DAB1: variants seen among roughly 807,000 people sequenced by gnomAD.
The protein encoded by DAB1 is disabled homolog 1.
DAB1 carries 15 observed loss-of-function variants against 64.6 expected under a neutral mutation model. The ratio of observed to expected loss-of-function variants is 0.23; its 90% confidence interval spans 0.16 to 0.36. The LOEUF (loss-of-function observed/expected upper bound fraction) is 0.36, where lower values mean the gene tolerates loss of function less well. DAB1 is among the 10% of genes least tolerant of loss of function. The pLI, the probability that DAB1 is intolerant of heterozygous loss-of-function variation, is 1.00. For missense variants in DAB1, 596 were observed against 706.7 expected (o/e 0.84, Z 1.78); for synonymous variants, 235 against 251.9 (o/e 0.93, Z 0.64).
At chr1:57,949,653 T>C (rs865836507) in intron 5 of DAB1, among the ~76,000 whole-genome samples, 4 of 152,190 alleles carry the variant, frequency 2.6e-5, no homozygotes, top group South Asian at 2.1e-4. Context: ...AATCCTACTG[T>C]ATGTGGTCTT....
intron 4 of DAB1, among the ~76,000 whole-genome samples, chr1:57,090,712 T>C (rs1465719473): frequency 1.3e-5 from 2 of 152,152 alleles, no homozygotes; most frequent in Non-Finnish European, 2.9e-5. Context: ...ATATATTGCT[T>C]ATTATACATT....
intron 4 of DAB1, among the ~76,000 whole-genome samples, chr1:57,120,713 T>C (rs978821002): frequency 2.0e-5 from 3 of 152,206 alleles, no homozygotes; most frequent in African/African-American, 7.2e-5. Context: ...TCATATAATA[T>C]TTGTCCCTTT....
intron 5 of DAB1, among the ~76,000 whole-genome samples, chr1:58,104,383 G>T (rs1651510867): frequency 6.6e-6 from 1 of 152,198 alleles, no homozygotes; most frequent in African/African-American, 2.4e-5. Context: ...CTGTTCTGTG[G>T]ATTTTATTAG....
At chr1:57,532,861 T>C (rs1412296683) in intron 7 of DAB1, among the ~76,000 whole-genome samples, 2 of 152,232 alleles carry the variant, frequency 1.3e-5, no homozygotes, top group Non-Finnish European at 2.9e-5. Context: ...ATTTATTAAA[T>C]GCTTACTATG....
chr1:57,322,331 C>A (rs577046893), intron 1 of DAB1, among the ~76,000 whole-genome samples: 7 of 152,268 alleles, frequency 4.6e-5, no homozygotes, highest in Middle Eastern at 3.4e-3. Context: ...ATTTTCTTAG[C>A]TGCCCAATAA....
chr1:57,894,874 T>C (rs1426883352), intron 5 of DAB1, among the ~76,000 whole-genome samples: 1 of 152,132 alleles, frequency 6.6e-6, no homozygotes, highest in Admixed American at 6.6e-5. Context: ...ATTAAAACTT[T>C]ACAGCCCATT....
chr1:58,057,485 A>G (rs1269900120), intron 5 of DAB1, among the ~76,000 whole-genome samples: 1 of 152,212 alleles, frequency 6.6e-6, no homozygotes, highest in African/African-American at 2.4e-5. Flanking sequence ...ACCCTAATCC[A>G]ATAACTGTTG....
intron 1 of DAB1, among the ~76,000 whole-genome samples, chr1:57,828,618 C>G (rs187616373): frequency 1.4e-4 from 21 of 152,254 alleles, no homozygotes; most frequent in Non-Finnish European, 2.4e-4. Context: ...TAGATACTGA[C>G]TTGGCTAATG....
chr1:57,583,528 G>A (rs1167696073), intron 7 of DAB1, among the ~76,000 whole-genome samples: 4 of 151,794 alleles, frequency 2.6e-5, no homozygotes, highest in Admixed American at 6.6e-5. Flanking sequence ...CTTGTGATCC[G>A]CCTGCCTCAG....
chr1:57,706,804 G>A (rs1420615943), intron 6 of DAB1, among the ~76,000 whole-genome samples: 2 of 152,030 alleles, frequency 1.3e-5, no homozygotes, highest in African/African-American at 4.8e-5. Context: ...CGGGCGCGGT[G>A]GCTCACACCT....
chr1:57,603,757 G>A (rs1277693932), intron 7 of DAB1, among the ~76,000 whole-genome samples: 1 of 152,162 alleles, frequency 6.6e-6, no homozygotes, highest in Non-Finnish European at 1.5e-5. Context: ...GTACCCAAAG[G>A]CCCTGAAAAT....
chr1:57,057,463 G>C (rs1224338843), intron 9 of DAB1, among the ~76,000 whole-genome samples: 3 of 152,180 alleles, frequency 2.0e-5, no homozygotes, highest in African/African-American at 7.2e-5. Flanking sequence ...GGCAAGGGAT[G>C]TAACTGATAC....
At chr1:58,270,275 T>G (rs1448906292) in intron 4 of DAB1, among the ~76,000 whole-genome samples, 8 of 142,882 alleles carry the variant, frequency 5.6e-5, no homozygotes, top group African/African-American at 1.9e-4. Context: ...ATTTATTAAA[T>G]AGGGAATCCT....
intron 12 of DAB1, among the ~76,000 whole-genome samples, chr1:57,013,646 A>G (rs535989801): frequency 6.6e-6 from 1 of 152,238 alleles, no homozygotes; most frequent in East Asian, 1.9e-4. Context: ...AGTTCACAGT[A>G]TTGGCCATGC....
At chr1:57,601,720 C>T (rs550401101) in intron 7 of DAB1, among the ~76,000 whole-genome samples, 1 of 152,178 alleles carries the variant, frequency 6.6e-6, no homozygotes, top group Non-Finnish European at 1.5e-5. Flanking sequence ...GGACTGATGA[C>T]TCACCATGAG....
intron 4 of DAB1, among the ~76,000 whole-genome samples, chr1:58,295,583 T>C (rs998441654): frequency 2.6e-5 from 4 of 152,220 alleles, no homozygotes; most frequent in Admixed American, 1.3e-4. Flanking sequence ...GTGACTTATA[T>C]TACACACTTC....
At chr1:58,242,984 C>T (rs767312096) in intron 4 of DAB1, among the ~76,000 whole-genome samples, 5 of 152,100 alleles carry the variant, frequency 3.3e-5, no homozygotes, top group East Asian at 1.9e-4. Flanking sequence ...TGATGATGCA[C>T]GCACAAAATG....
At chr1:57,774,078 G>A (rs546894495) in intron 6 of DAB1, among the ~76,000 whole-genome samples, 4 of 151,924 alleles carry the variant, frequency 2.6e-5, no homozygotes, top group African/African-American at 9.6e-5. Flanking sequence ...TGAATCATGA[G>A]TTAATCTGGG....
intron 1 of DAB1, among the ~76,000 whole-genome samples, chr1:57,303,288 C>G (rs1462934451): frequency 1.3e-5 from 2 of 152,180 alleles, no homozygotes; most frequent in South Asian, 2.1e-4. Context: ...GCTTCTGGAG[C>G]CTGTGAACAT....
Sources: gnomAD v4.1 joint callset for allele counts (sites outside exome capture counted in the v4.1 genomes callset) on GRCh38, gnomAD v4.1.1 for gene constraint, MANE v1.5 for transcripts, NCBI Gene and HGNC (gene_info 2026-07-23, HGNC 2026-07-21) for gene names.